The following UBE2V1 variants were observed in gnomAD, a reference collection of about 807,000 sequenced individuals.
UBE2V1 encodes ubiquitin conjugating enzyme E2 V1.
In UBE2V1, 15 loss-of-function variants were observed where a neutral mutation model predicts 19.6. The ratio of observed to expected loss-of-function variants is 0.77; its 90% confidence interval spans 0.51 to 1.18. UBE2V1 has a LOEUF of 1.18. Ranked by LOEUF, UBE2V1 falls within the 50% of genes most tolerant of loss-of-function variation. The pLI, the probability that UBE2V1 is intolerant of heterozygous loss-of-function variation, is 0.00. For synonymous variants in UBE2V1, 60 were observed against 60.7 expected (o/e 0.99, Z 0.05); for missense variants, 125 against 184.8 (o/e 0.68, Z 1.88).
intron 2 of UBE2V1, among the ~76,000 whole-genome samples, chr20:50,094,238 A>AT (rs1460768337): frequency 7.3e-6 from 1 of 137,768 alleles, no homozygotes; most frequent in African/African-American, 2.8e-5. Flanking sequence ...TATAATATAT[A>AT]ATGCATTATA....
chr20:50,111,377 T>G, intron 1 of UBE2V1: 1 of 1,000,058 alleles, frequency 1.0e-6, no homozygotes, highest in Non-Finnish European at 1.2e-6. Context: ...CAAGCAGGGC[T>G]GAGCTGCAAC....
intron 2 of UBE2V1, among the ~76,000 whole-genome samples, chr20:50,089,315 A>G (rs1286392196): frequency 6.6e-6 from 1 of 152,112 alleles, no homozygotes; most frequent in East Asian, 1.9e-4. Context: ...AGAACCTCCA[A>G]GGAGGGGGCT....
intron 1 of UBE2V1, among the ~76,000 whole-genome samples, chr20:50,109,467 G>T (rs1341417840): frequency 6.6e-6 from 1 of 151,998 alleles, no homozygotes; most frequent in African/African-American, 2.4e-5. Flanking sequence ...ATAATAGCTT[G>T]CAGCCCGGCA....
chr20:50,109,010 T>C (rs543821812), intron 1 of UBE2V1: 1 of 985,052 alleles, frequency 1.0e-6, no homozygotes, highest in African/African-American at 1.8e-5. Context: ...GGAACAGGAG[T>C]TAAAAATGCC....
intron 2 of UBE2V1, chr20:50,084,891 C>CT (rs200222788): frequency 0.51 from 54,299 of 105,978 alleles, 15,650 homozygotes; most frequent in East Asian, 0.58. Context: ...GAAAAGCAGT[C>CT]TTTTTTTTTT....
intron 2 of UBE2V1, among the ~76,000 whole-genome samples, chr20:50,086,922 A>G (rs2078946602): frequency 6.6e-6 from 1 of 152,192 alleles, no homozygotes; most frequent in African/African-American, 2.4e-5. Flanking sequence ...CTAAAAATAC[A>G]AAACATTAGC....
upstream of UBE2V1, chr20:50,113,256 G>C: frequency 1.4e-6 from 1 of 701,378 alleles, no homozygotes; most frequent in Non-Finnish European, 2.0e-6. Context: ...AGACCTGCAC[G>C]ACCCGTGGCC....
At chr20:50,104,285 A>AG (rs1236315286) in intron 1 of UBE2V1, 1 of 963,748 alleles carries the variant, frequency 1.0e-6, no homozygotes, top group East Asian at 1.2e-4. Context: ...CGTCTCAAAA[A>AG]AAAAAAAAAA....
At chr20:50,098,110 T>C (rs531504593) in intron 1 of UBE2V1, among the ~76,000 whole-genome samples, 1 of 152,206 alleles carries the variant, frequency 6.6e-6, no homozygotes, top group Non-Finnish European at 1.5e-5. Flanking sequence ...TACTTTTAAA[T>C]GGAGGGATAA....
chr20:50,096,102 CA>C (rs2079603622), intron 2 of UBE2V1: 1 of 152,678 alleles, frequency 6.5e-6, no homozygotes. Context: ...GGAACTCTCA[CA>C]AATCAGGAAG....
At chr20:50,087,620 T>C (rs1306736538) in intron 2 of UBE2V1, among the ~76,000 whole-genome samples, 3 of 152,220 alleles carry the variant, frequency 2.0e-5, no homozygotes, top group Non-Finnish European at 2.9e-5. Context: ...TTTGTTGATA[T>C]GGCTCATGCT....
At chr20:50,098,829 A>T in intron 1 of UBE2V1, 1 of 696,716 alleles carries the variant, frequency 1.4e-6, no homozygotes, top group Non-Finnish European at 1.8e-6. Flanking sequence ...GAAAAATATT[A>T]AATAGTACTA....
intron 1 of UBE2V1, chr20:50,111,670 G>GA (rs1299016361): frequency 1.2e-6 from 1 of 821,514 alleles, no homozygotes; most frequent in Non-Finnish European, 1.5e-6. Context: ...ACTTCAGTCA[G>GA]ATCCCCCACA....
rs534712489 is a variant in UBE2V1 at position 50,088,165 on chromosome 20, C to T, written c.172-3911G>A. On this transcript the variant is annotated intron_variant, in intron 2 of 3. Transcript: ENST00000371674. ...CAGTCTACAAAATACCTGACCAGTA[C>T]TCCTCAAAACAGCCAAGGGCATCAA... is the stretch of plus-strand genomic sequence containing the variant. 6.1e-5 allele frequency among the ~76,000 whole-genome samples: 9 copies of T among 147,138 alleles called. 1 individual carries two copies. The South Asian group carries it at 1.9e-3, about 32-fold the overall frequency.
Position 50,113,100 on chromosome 20 carries a change from C to A in UBE2V1, c.22+7G>T. ...CTCGGCCGGCCGGGCCCGGCGCCCC[C>A]GCTCACCCGAGCCCGTGGTGGCTGC... On this transcript the variant is annotated splice_region_variant and intron_variant, in intron 1 of 3. Transcript: ENST00000371674. 4 of 1,316,580 alleles carry A rather than the reference C, an allele frequency of 3.0e-6. No homozygotes were observed. Among genetic ancestry groups the A allele is most frequent in the East Asian group, 3.0e-5 (1 of 33,320 alleles). The allele number at this position is 1,316,580 out of a possible 1,614,324, so 81.6% of individuals were successfully genotyped here.
chr20:50,091,249 G>C (rs942563148), intron 2 of UBE2V1, among the ~76,000 whole-genome samples: 1 of 151,860 alleles, frequency 6.6e-6, no homozygotes, highest in African/African-American at 2.4e-5. Context: ...GTTTCAACAT[G>C]TTGGCCAGGC....
At chr20:50,112,155 A>G (rs2080796483) in intron 1 of UBE2V1, among the ~76,000 whole-genome samples, 1 of 152,230 alleles carries the variant, frequency 6.6e-6, no homozygotes, top group Non-Finnish European at 1.5e-5. Flanking sequence ...ACTCAATTCA[A>G]AAAGAGGAGA....
intron 1 of UBE2V1, among the ~76,000 whole-genome samples, chr20:50,109,747 C>CAA (rs11468343): frequency 2.2e-5 from 2 of 89,574 alleles, no homozygotes; most frequent in African/African-American, 4.2e-5. Flanking sequence ...AACTCCGTCT[C>CAA]AAAAAAAAAA....
chr20:50,086,459 G>T (rs1216001624), intron 2 of UBE2V1, among the ~76,000 whole-genome samples: 1 of 145,810 alleles, frequency 6.9e-6, no homozygotes, highest in Non-Finnish European at 1.5e-5. Flanking sequence ...TTTCCTCAAA[G>T]AAAAAAAAAA....
Sources: gnomAD v4.1 joint callset for allele counts (sites outside exome capture counted in the v4.1 genomes callset) on GRCh38, gnomAD v4.1.1 for gene constraint, MANE v1.5 for transcripts, NCBI Gene and HGNC (gene_info 2026-07-23, HGNC 2026-07-21) for gene names.